The following OTUB2 variants were observed in gnomAD, a reference collection of about 807,000 sequenced individuals.
OTUB2 encodes ubiquitin thioesterase OTUB2.
A neutral mutation model predicts 25.1 loss-of-function variants in OTUB2; 21 were observed. The ratio of observed to expected loss-of-function variants is 0.84; its 90% CI spans 0.59 to 1.21. The LOEUF is 1.21. Among genes scored for constraint, OTUB2 ranks in the 50% most tolerant of loss-of-function variants. OTUB2 has a pLI of 0.00. For synonymous variants in OTUB2, 122 were observed against 122.8 expected (o/e 0.99, Z 0.04); for missense variants, 283 against 298.0 (o/e 0.95, Z 0.37).
intron 3 of OTUB2, among the ~76,000 whole-genome samples, chr14:94,041,498 A>G (rs374043454): frequency 6.6e-6 from 1 of 151,772 alleles, no homozygotes; most frequent in East Asian, 1.9e-4. Flanking sequence ...GGGTCTTCCT[A>G]TGTTGCCTAG....
In OTUB2 at chr14:94,046,610, T is replaced by A. The variant is rs1249374540; in HGVS notation, c.*688T>A. ...TCTCTCAGGGCTAGAACTGCCTGACTCTTGGTGGACGAGCCCTTCAGGGTT... is the reference window on the plus strand; with the variant it reads ...TCTCTCAGGGCTAGAACTGCCTGACACTTGGTGGACGAGCCCTTCAGGGTT... On this transcript the variant is annotated 3_prime_UTR_variant, in exon 6 of 6. Coordinates refer to ENST00000203664, the MANE Select transcript of OTUB2 (RefSeq NM_023112.4). 6.5e-6 allele frequency: 1 copy of A among 152,700 alleles called. No individual in the cohort carries two copies. The highest frequency in any genetic ancestry group is 1.9e-4 in the East Asian group (1 of 5,204). 9.5% of individuals were successfully genotyped at this position (152,700 alleles called of 1,614,324 possible). A position where few individuals can be genotyped will look rare whatever the true frequency, so the allele number is the denominator to read the frequency against.
chr14:94,046,219 C>A lies in OTUB2; in HGVS notation c.*297C>A. On this transcript the variant is annotated 3_prime_UTR_variant, in exon 6 of 6. Coordinates refer to ENST00000203664, the MANE Select transcript of OTUB2 (RefSeq NM_023112.4). ...GCCCTCTCTGGACTTGTTTCTTCAA[C>A]TGGAGGAGGTCCCTGCCTATGCTGA... The A allele has an allele frequency of 2.0e-6, 1 of 502,778 alleles. No homozygotes were observed. Among genetic ancestry groups the A allele is most frequent in the Non-Finnish European group, 3.6e-6 (1 of 278,544 alleles). 31.1% of individuals were successfully genotyped at this position (502,778 alleles called of 1,614,324 possible). A position where few individuals can be genotyped will look rare whatever the true frequency, so the allele number is the denominator to read the frequency against.
rs1418445895 is a variant in OTUB2 at position 94,047,265 on chromosome 14, G to A, written c.*1343G>A. ...CTGGAATCTATTGGTGCTGCTGCAT[G>A]AGTCTGCTGACAACCTGACTGCACA... On this transcript the variant is annotated 3_prime_UTR_variant, in exon 6 of 6. Coordinates refer to ENST00000203664, the MANE Select transcript of OTUB2 (RefSeq NM_023112.4). 1 of 152,216 alleles carries A rather than the reference G, an allele frequency of 6.6e-6. No individual in the cohort carries two copies. The highest frequency in any genetic ancestry group is 2.4e-5 in the African/African-American group (1 of 41,450). 9.4% of individuals were successfully genotyped at this position (152,216 alleles called of 1,614,324 possible).
In OTUB2 at chr14:94,037,478, G is replaced by A; in HGVS notation, c.99+3G>A. Reference sequence around the variant, plus strand: ...GGATTTACCGGAGGAAAATCGAGGTGAGGCAGAGGGCAGGGAGAAGAGCAT... The same window carrying A: ...GGATTTACCGGAGGAAAATCGAGGTAAGGCAGAGGGCAGGGAGAAGAGCAT... On this transcript the variant is annotated splice_donor_region_variant and intron_variant, in intron 2 of 5. Coordinates refer to ENST00000203664, the MANE Select transcript of OTUB2 (RefSeq NM_023112.4). The A allele has an allele frequency of 1.3e-6, 2 of 1,575,910 alleles. No individual in the cohort carries two copies. Among genetic ancestry groups the A allele is most frequent in the South Asian group, 1.1e-5 (1 of 89,972 alleles).
chr14:94,028,259 A>G (rs898664691), intron 1 of OTUB2, among the ~76,000 whole-genome samples: 3 of 152,206 alleles, frequency 2.0e-5, no homozygotes, highest in African/African-American at 7.2e-5. Flanking sequence ...TTCCCTGCAC[A>G]TGGCATTTAT....
At position 94,046,150 on chromosome 14, in the gene OTUB2, G is replaced by A. The variant is rs45535344; in HGVS notation, c.*228G>A. 45,564 of 612,730 alleles carry A rather than the reference G, an allele frequency of 0.074. 1,871 individuals are homozygous for A. The highest frequency in any genetic ancestry group is 0.14 in the Middle Eastern group (326 of 2,270). 38.0% of individuals were successfully genotyped at this position (612,730 alleles called of 1,614,324 possible). A position where few individuals can be genotyped will look rare whatever the true frequency, so the allele number is the denominator to read the frequency against. ...ACAAATGCTTTCTAACTGGGCCCCCGACTCCGCACCCCAGTTCGCAGTGAG... is the reference window on the plus strand; with the variant it reads ...ACAAATGCTTTCTAACTGGGCCCCCAACTCCGCACCCCAGTTCGCAGTGAG... On this transcript the variant is annotated 3_prime_UTR_variant, in exon 6 of 6. Transcript: ENST00000203664.
intron 3 of OTUB2, among the ~76,000 whole-genome samples, chr14:94,040,246 G>A (rs564847162): frequency 7.2e-5 from 11 of 152,312 alleles, no homozygotes; most frequent in Non-Finnish European, 1.3e-4. Context: ...AGATTGTTTT[G>A]CCAGTGACAG....
At chr14:94,042,769 A>G (rs1035630515) in intron 3 of OTUB2, among the ~76,000 whole-genome samples, 6 of 152,168 alleles carry the variant, frequency 3.9e-5, no homozygotes, top group African/African-American at 1.4e-4. Context: ...GGCAGCAGGT[A>G]CCACTGCAGT....
At chr14:94,045,583 C>G in intron 5 of OTUB2, 133 bp from the exon 6 acceptor site, 1 of 838,286 alleles carries the variant, frequency 1.2e-6, no homozygotes, top group South Asian at 1.7e-5. Flanking sequence ...CCATACCCAA[C>G]TCATGGGATG....
intron 3 of OTUB2, chr14:94,039,314 C>G (rs1885115666): frequency 7.0e-6 from 4 of 571,766 alleles, no homozygotes; most frequent in Non-Finnish European, 9.3e-6. Context: ...TTTCCAGCCT[C>G]TGCTTCCACC....
chr14:94,028,574 A>G (rs1884906033), intron 1 of OTUB2, among the ~76,000 whole-genome samples: 1 of 152,272 alleles, frequency 6.6e-6, no homozygotes, highest in Admixed American at 6.5e-5. Flanking sequence ...TGAGTCAGAC[A>G]TAAGCAGGAA....
At chr14:94,043,915 A>C in intron 3 of OTUB2, 56 bp from the exon 4 acceptor site, 3 of 1,527,038 alleles carry the variant, frequency 2.0e-6, no homozygotes, top group Non-Finnish European at 9.1e-7. Context: ...CACAGTTGCC[A>C]ATCACAGCAC....
Position 94,043,112 on chromosome 14 carries a change from C to T in OTUB2, c.219-859C>T, listed in dbSNP as rs528661000. On this transcript the variant is annotated intron_variant, in intron 3 of 5. Coordinates refer to ENST00000203664, the MANE Select transcript of OTUB2 (RefSeq NM_023112.4). ...CGTCCACACCCACCACCTTCTCCCT[C>T]CTCACTGCCCCCTGTCCTCCTACAA... is the stretch of plus-strand genomic sequence containing the variant. 2.0e-5 allele frequency among the ~76,000 whole-genome samples: 3 copies of T among 152,368 alleles called. No individual in the cohort carries two copies. The East Asian group carries it at 5.8e-4, about 29-fold the overall frequency.
Position 94,044,649 on chromosome 14 carries a change from A to G in OTUB2, c.367A>G (p.Asn123Asp). The G allele has an allele frequency of 6.2e-7, 1 of 1,614,182 alleles. No individual in the cohort carries two copies. Among genetic ancestry groups the G allele is most frequent in the Non-Finnish European group, 8.5e-7 (1 of 1,180,030 alleles). The change falls in exon 5 of 6, where the codon AAC (asparagine) becomes GAC (aspartate). Residue 123 changes from asparagine (N) to aspartate (D), a missense_variant. By Grantham distance (23) the Asn-to-Asp change is conservative (BLOSUM62 1). Coordinates refer to ENST00000203664, the MANE Select transcript of OTUB2 (RefSeq NM_023112.4). Reference sequence around the variant, plus strand: ...AGTGTCCAGCCTGCTGAAGGTGTTCAACGACCAGAGTGCCTCGGACCACAT... The same window carrying G: ...AGTGTCCAGCCTGCTGAAGGTGTTCGACGACCAGAGTGCCTCGGACCACAT... Reference protein sequence around the residue: ...GSVSSLLKVFNDQSASDHIVQ... With the variant: ...GSVSSLLKVFDDQSASDHIVQ...
Position 94,044,073 on chromosome 14 carries a change from C to T in OTUB2, c.303+18C>T, listed in dbSNP as rs1420714025. On this transcript the variant is annotated intron_variant, in intron 4 of 5. Transcript: ENST00000203664. ...TCAATGCTGTGAGTTCACCTGGTCC[C>T]TCCTTCCACACTGGCAGAGCAGACA... The T allele has an allele frequency of 1.2e-6, 2 of 1,608,736 alleles. No homozygotes were observed. Among genetic ancestry groups the T allele is most frequent in the Non-Finnish European group, 1.7e-6 (2 of 1,175,218 alleles).
In OTUB2 at chr14:94,046,552, A is replaced by AAT; in HGVS notation, c.*630_*631insAT. 1 of 152,912 alleles carries AAT rather than the reference A, an allele frequency of 6.5e-6. No homozygotes were observed. Among genetic ancestry groups the AAT allele is most frequent in the Admixed American group, 6.5e-5 (1 of 15,414 alleles). 9.5% of individuals were successfully genotyped at this position (152,912 alleles called of 1,614,324 possible). On this transcript the variant is annotated 3_prime_UTR_variant, in exon 6 of 6. Transcript: ENST00000203664. ...GTCCAGAAAGGGGCCTTTAGCCTTT[A>AAT]GTAGGAGCTCAAATTGTTGGGGCCC...
chr14:94,040,313 A>G (rs1160840107), intron 3 of OTUB2, among the ~76,000 whole-genome samples: 1 of 152,018 alleles, frequency 6.6e-6, no homozygotes, highest in Non-Finnish European at 1.5e-5. Context: ...CCCCTCCCCA[A>G]CTTTCTCACA....
chr14:94,032,268 C>T (rs1884977786), intron 1 of OTUB2, among the ~76,000 whole-genome samples: 1 of 152,158 alleles, frequency 6.6e-6, no homozygotes, highest in African/African-American at 2.4e-5. Context: ...GGTAGCCCAC[C>T]TGCGAGACAT....
chr14:94,045,691 C>T, intron 5 of OTUB2, 25 bp from the exon 6 acceptor site: 3 of 1,611,314 alleles, frequency 1.9e-6, no homozygotes, highest in Non-Finnish European at 2.5e-6. Flanking sequence ...CCTAAGCTGG[C>T]TTGTTTTCAT....
Sources: allele counts gnomAD v4.1 joint callset (sites outside exome capture counted in the v4.1 genomes callset), GRCh38; gene constraint gnomAD v4.1.1; transcripts MANE v1.5; gene names NCBI Gene and HGNC (gene_info 2026-07-23, HGNC 2026-07-21).